The following ZNF474 variants were observed in gnomAD, a reference collection of about 807,000 sequenced individuals.
ZNF474 encodes the protein zinc finger protein 474.
For missense variants in ZNF474, 511 were observed against 433.8 expected (o/e 1.18, Z -1.58); for synonymous variants, 192 against 162.2 (o/e 1.18, Z -1.39).
At chr5:122,138,559 C>G (rs550306274) in intron 1 of ZNF474, among the ~76,000 whole-genome samples, 1 of 152,314 alleles carries the variant, frequency 6.6e-6, no homozygotes, top group African/African-American at 2.4e-5. Context: ...GGCAAAGACT[C>G]AAATCTCGAG....
chr5:122,131,596 GA>G (rs992321317), intron 1 of ZNF474, among the ~76,000 whole-genome samples: 1 of 150,382 alleles, frequency 6.6e-6, no homozygotes, highest in Non-Finnish European at 1.5e-5. Context: ...TATATGTGGG[GA>G]AAAAAAAAGA....
rs563781995 is a variant in ZNF474, at chr5:122,136,482, G to A, written c.-213+6799G>A. Among the ~76,000 whole-genome samples, 7 of 152,238 alleles carry A rather than the reference G, an allele frequency of 4.6e-5. No homozygotes were observed. In the East Asian group the frequency reaches 5.8e-4, roughly 13 times the overall value. On this transcript the variant is annotated intron_variant, in intron 1 of 1. Transcript: ENST00000296600. ...CCCCAGCACAAGTGACTAGCTGCTC[G>A]TATGGCTACCTTTGGTGTGCCTGTC...
At chr5:122,140,905 A>G (rs1364265448) in intron 1 of ZNF474, among the ~76,000 whole-genome samples, 1 of 152,122 alleles carries the variant, frequency 6.6e-6, no homozygotes, top group Admixed American at 6.6e-5. Context: ...ATGTTTATGT[A>G]GAGCATACAG....
At chr5:122,142,274 A>G (rs1438231482) in intron 1 of ZNF474, among the ~76,000 whole-genome samples, 1 of 152,254 alleles carries the variant, frequency 6.6e-6, no homozygotes, top group East Asian at 1.9e-4. Flanking sequence ...CACAAGAAAG[A>G]TAGGACACAT....
At chr5:122,141,300 A>ATTTT (rs368273210) in intron 1 of ZNF474, among the ~76,000 whole-genome samples, 137 of 64,352 alleles carry the variant, frequency 2.1e-3, no homozygotes, top group African/African-American at 2.9e-3. Context: ...ACCCCTGGCT[A>ATTTT]TTTTTTTTTT....
rs186894816 is a variant in ZNF474 at position 122,151,294 on chromosome 5, G to C, written c.-212-485G>C. Among the ~76,000 whole-genome samples the C allele has an allele frequency of 1.9e-4, 29 of 152,182 alleles. No homozygotes were observed. In the East Asian group the frequency reaches 5.0e-3, roughly 26 times the overall value. Reference sequence around the variant, plus strand: ...AAATACTATTCTGAGAAGTGCATAGGCTTCACAGAATTGTCAAAGGAATCC... The same window carrying C: ...AAATACTATTCTGAGAAGTGCATAGCCTTCACAGAATTGTCAAAGGAATCC... On this transcript the variant is annotated intron_variant, in intron 1 of 1. Transcript: ENST00000296600.
chr5:122,139,359 TG>T (rs1272601749), intron 1 of ZNF474, among the ~76,000 whole-genome samples: 1 of 152,214 alleles, frequency 6.6e-6, no homozygotes, highest in African/African-American at 2.4e-5. Context: ...CTTGCCTATA[TG>T]AAACAGGCTT....
At chr5:122,131,906 A>T (rs1357266565) in intron 1 of ZNF474, among the ~76,000 whole-genome samples, 2 of 152,060 alleles carry the variant, frequency 1.3e-5, no homozygotes, top group African/African-American at 4.8e-5. Context: ...TTAAGTACAA[A>T]ATTTGATGAG....
Position 122,152,024 on chromosome 5 carries a change from A to C in ZNF474, c.34A>C (p.Lys12Gln). ...ERGKKKRISN[K>Q]LQQTFHHSKE... ...AGGAAAGAAGAAAAGAATTTCCAAT[A>C]AGTTACAACAAACTTTTCACCATTC... Residue 12 changes from lysine (K) to glutamine (Q), a missense_variant, in exon 2 of 2, where the codon AAG (lysine) becomes CAG (glutamine). Lys to Gln is a moderately conservative substitution (Grantham distance 53, BLOSUM62 1). Transcript: ENST00000296600. The C allele has an allele frequency of 1.9e-6, 3 of 1,609,824 alleles. No homozygotes were observed. The South Asian group carries it at 3.3e-5, about 18-fold the overall frequency.
rs1166694085 is a variant in ZNF474, at chr5:122,137,446, CAAA to C, written c.-213+7792_-213+7794del. On this transcript the variant is annotated intron_variant, in intron 1 of 1. Transcript: ENST00000296600. The stretch of plus-strand genomic sequence containing the variant: ...TGGGTGACAGAGTGAGACTCTGTCT[CAAA>C]AAAAAAAAAAAAAAAAAAAAAAAAA... Among the ~76,000 whole-genome samples, 40 of 11,572 alleles carry C rather than the reference CAAA, an allele frequency of 3.5e-3. No homozygotes were observed. In the South Asian group the frequency reaches 0.044, roughly 13 times the overall value. 7.6% of individuals were successfully genotyped at this position (11,572 alleles called of 152,430 possible).
intron 1 of ZNF474, among the ~76,000 whole-genome samples, chr5:122,134,021 T>C (rs1755639721): frequency 6.6e-6 from 1 of 152,218 alleles, no homozygotes; most frequent in African/African-American, 2.4e-5. Context: ...GGGTGAATGA[T>C]ACATTTTCAG....
chr5:122,132,040 G>C (rs1241834434), intron 1 of ZNF474, among the ~76,000 whole-genome samples: 2 of 152,004 alleles, frequency 1.3e-5, no homozygotes, highest in Non-Finnish European at 2.9e-5. Context: ...TATACTTTCT[G>C]TCACTACAGA....
At chr5:122,131,511 A>G (rs1755576656) in intron 1 of ZNF474, among the ~76,000 whole-genome samples, 1 of 152,102 alleles carries the variant, frequency 6.6e-6, no homozygotes, top group South Asian at 2.1e-4. Flanking sequence ...TTTCAACAAC[A>G]TGGGTGAAAC....
chr5:122,135,704 A>C (rs1474318958), intron 1 of ZNF474, among the ~76,000 whole-genome samples: 2 of 152,210 alleles, frequency 1.3e-5, no homozygotes. Flanking sequence ...TGTTTATTGC[A>C]GCAATATCCA....
chr5:122,134,886 A>G (rs1486575924), intron 1 of ZNF474, among the ~76,000 whole-genome samples: 2 of 152,226 alleles, frequency 1.3e-5, no homozygotes, highest in Non-Finnish European at 2.9e-5. Context: ...ACATAAAACT[A>G]TAAAACTTCT....
chr5:122,146,364 A>T (rs564677487), intron 1 of ZNF474, among the ~76,000 whole-genome samples: 1 of 151,794 alleles, frequency 6.6e-6, no homozygotes, highest in South Asian at 2.1e-4. Flanking sequence ...AAAAATAGTC[A>T]TTAAATTTTT....
At chr5:122,145,865 C>A (rs1269877343) in intron 1 of ZNF474, among the ~76,000 whole-genome samples, 1 of 152,122 alleles carries the variant, frequency 6.6e-6, no homozygotes, top group African/African-American at 2.4e-5. Flanking sequence ...GTTGTTACAT[C>A]CGTTTGAATT....
chr5:122,135,557 G>C (rs1304743910), intron 1 of ZNF474, among the ~76,000 whole-genome samples: 1 of 152,140 alleles, frequency 6.6e-6, no homozygotes, highest in African/African-American at 2.4e-5. Context: ...ATGTAAATTA[G>C]TACAGCCACT....
In ZNF474 at chr5:122,151,894, C is replaced by T. The variant is rs912899726; in HGVS notation, c.-97C>T. On this transcript the variant is annotated 5_prime_UTR_variant, in exon 2 of 2. Transcript: ENST00000296600. Reference sequence around the variant, plus strand: ...AAGGTACTGGCAACGGTGTGAACCCCAGGACAACTAACCTCACTAACCTTC... The same window carrying T: ...AAGGTACTGGCAACGGTGTGAACCCTAGGACAACTAACCTCACTAACCTTC... 3 of 1,468,396 alleles carry T rather than the reference C, an allele frequency of 2.0e-6. No homozygotes were observed. Among genetic ancestry groups the T allele is most frequent in the African/African-American group, 2.8e-5 (2 of 70,826 alleles). The allele number at this position is 1,468,396 out of a possible 1,614,324, so 91.0% of individuals were successfully genotyped here. A position where few individuals can be genotyped will look rare whatever the true frequency, so the allele number is the denominator to read the frequency against.
Sources: gnomAD v4.1 joint callset for allele counts (sites outside exome capture counted in the v4.1 genomes callset) on GRCh38, gnomAD v4.1.1 for gene constraint, MANE v1.5 for transcripts, NCBI Gene and HGNC (gene_info 2026-07-23, HGNC 2026-07-21) for gene names.